The following MAGI2 variants were observed in gnomAD, a reference collection of about 807,000 sequenced individuals.
MAGI2 encodes the protein membrane-associated guanylate kinase, WW and PDZ domain-containing protein 2.
In MAGI2, 35 loss-of-function variants were observed where a neutral mutation model predicts 133.3. That is an observed-to-expected ratio of 0.26 (90% CI 0.20 to 0.35). The LOEUF (loss-of-function observed/expected upper bound fraction) is 0.35, where lower values mean the gene tolerates loss of function less well. MAGI2 is among the 10% of genes least tolerant of loss of function. The pLI, the probability that MAGI2 is intolerant of heterozygous loss-of-function variation, is 1.00. For missense variants in MAGI2, 1,636 were observed against 1,863.4 expected (o/e 0.88, Z 2.25); for synonymous variants, 729 against 710.6 (o/e 1.03, Z -0.41).
At chr7:78,569,337 AAATG>A (rs1188147415) in intron 3 of MAGI2, among the ~76,000 whole-genome samples, 4 of 152,240 alleles carry the variant, frequency 2.6e-5, no homozygotes, top group Non-Finnish European at 4.4e-5. Flanking sequence ...GTTAAGGAAT[AAATG>A]AATGAATAAT....
chr7:79,136,003 G>GAAAGAAAGAGAAAGAAAGAAAGAA (rs749343638), intron 1 of MAGI2, among the ~76,000 whole-genome samples: 1 of 40,922 alleles, frequency 2.4e-5, no homozygotes, highest in Admixed American at 2.9e-4. Context: ...AAGAAAGAAA[G>GAAAGAAAGAGAAAGAAAGAAAGAA]AGAAAGAAAG....
chr7:78,492,755 A>G (rs1235730547), intron 5 of MAGI2, among the ~76,000 whole-genome samples: 1 of 152,190 alleles, frequency 6.6e-6, no homozygotes, highest in Non-Finnish European at 1.5e-5. Flanking sequence ...TGTGTCACAT[A>G]AATACCAGGA....
chr7:78,984,408 T>C (rs1805058694), intron 2 of MAGI2, among the ~76,000 whole-genome samples: 2 of 151,950 alleles, frequency 1.3e-5, no homozygotes, highest in Non-Finnish European at 2.9e-5. Flanking sequence ...TATGTGTCCC[T>C]ACATTGCCTC....
At chr7:79,397,437 A>T (rs1845142502) in intron 1 of MAGI2, among the ~76,000 whole-genome samples, 1 of 151,800 alleles carries the variant, frequency 6.6e-6, no homozygotes, top group Non-Finnish European at 1.5e-5. Flanking sequence ...TTTTACTGTA[A>T]TAGTTTAAAG....
chr7:78,427,643 T>C (rs1017135082), intron 6 of MAGI2, among the ~76,000 whole-genome samples: 1 of 137,608 alleles, frequency 7.3e-6, no homozygotes, highest in African/African-American at 2.8e-5. Flanking sequence ...TTTCAGTAAC[T>C]GAGAGAACAA....
intron 1 of MAGI2, among the ~76,000 whole-genome samples, chr7:79,371,746 A>T (rs969059433): frequency 6.6e-6 from 1 of 152,132 alleles, no homozygotes; most frequent in African/African-American, 2.4e-5. Context: ...CATTGCCTGT[A>T]TTCGTTTTTA....
intron 2 of MAGI2, among the ~76,000 whole-genome samples, chr7:78,708,513 T>C (rs1006776783): frequency 6.6e-6 from 1 of 152,150 alleles, no homozygotes; most frequent in African/African-American, 2.4e-5. Context: ...CACACAGTGT[T>C]TATTGTATCC....
intron 1 of MAGI2, among the ~76,000 whole-genome samples, chr7:79,093,340 C>T (rs1301548942): frequency 6.6e-6 from 1 of 152,056 alleles, no homozygotes; most frequent in Admixed American, 6.6e-5. Flanking sequence ...AATTCTTTAG[C>T]ATATATACAG....
rs945150789 is a variant in MAGI2, at chr7:79,385,803, G to C, written c.301+67217C>G. ...GGACTAAAGTTAATACAATCCTATT[G>C]TATTAGGGATCTTTGTTAAATAAGT... On this transcript the variant is annotated intron_variant, in intron 1 of 21. Transcript: ENST00000354212. 4.6e-5 allele frequency among the ~76,000 whole-genome samples: 7 copies of C among 151,990 alleles called. No homozygotes were observed. In the South Asian group the frequency reaches 8.3e-4, roughly 18 times the overall value.
At chr7:78,415,580 C>T (rs1798225503) in intron 6 of MAGI2, among the ~76,000 whole-genome samples, 1 of 152,022 alleles carries the variant, frequency 6.6e-6, no homozygotes, top group South Asian at 2.1e-4. Flanking sequence ...ATTTTCTCTG[C>T]TCCCATTTTC....
chr7:78,828,357 A>C (rs1305522293), intron 2 of MAGI2, among the ~76,000 whole-genome samples: 1 of 152,170 alleles, frequency 6.6e-6, no homozygotes, highest in Non-Finnish European at 1.5e-5. Flanking sequence ...TGTCTTTTGG[A>C]TCTGATGTGA....
chr7:78,684,482 C>T (rs901460630), intron 2 of MAGI2, among the ~76,000 whole-genome samples: 1 of 152,064 alleles, frequency 6.6e-6, no homozygotes, highest in African/African-American at 2.4e-5. Context: ...CTGCAGAACC[C>T]AAATAAGGAC....
chr7:79,235,748 C>G (rs7800603), intron 1 of MAGI2, among the ~76,000 whole-genome samples: 1 of 152,196 alleles, frequency 6.6e-6, no homozygotes, highest in African/African-American at 2.4e-5. Flanking sequence ...AGAAATCACC[C>G]GTCTTCTGCG....
intron 21 of MAGI2, among the ~76,000 whole-genome samples, chr7:78,059,941 G>A (rs1813048734): frequency 6.6e-6 from 1 of 152,044 alleles, no homozygotes; most frequent in South Asian, 2.1e-4. Context: ...CATTCAGACA[G>A]ACCTAACATT....
At chr7:79,386,384 T>C (rs1338183890) in intron 1 of MAGI2, among the ~76,000 whole-genome samples, 1 of 152,090 alleles carries the variant, frequency 6.6e-6, no homozygotes, top group Non-Finnish European at 1.5e-5. Context: ...AACAGTTATA[T>C]ATGAAATTTC....
At chr7:78,852,088 T>G (rs1401777151) in intron 2 of MAGI2, among the ~76,000 whole-genome samples, 1 of 152,150 alleles carries the variant, frequency 6.6e-6, no homozygotes, top group Non-Finnish European at 1.5e-5. Context: ...ATAATTAAGA[T>G]AAACTGTTTA....
intron 9 of MAGI2, among the ~76,000 whole-genome samples, chr7:78,271,033 T>C (rs578180030): frequency 1.3e-5 from 2 of 152,212 alleles, no homozygotes; most frequent in Admixed American, 6.5e-5. Context: ...GGCATCCCTG[T>C]CTTGTGCCAG....
chr7:78,910,171 G>T (rs1798301801), intron 2 of MAGI2, among the ~76,000 whole-genome samples: 1 of 151,814 alleles, frequency 6.6e-6, no homozygotes, highest in African/African-American at 2.4e-5. Flanking sequence ...CTAGATTATG[G>T]GTCAATAGGT....
intron 1 of MAGI2, among the ~76,000 whole-genome samples, chr7:79,187,058 A>C (rs2129550837): frequency 6.6e-6 from 1 of 151,606 alleles, no homozygotes; most frequent in Admixed American, 6.6e-5. Context: ...CAACTTAAGA[A>C]TTTGGGGGAA....
Sources: gnomAD v4.1 joint callset for allele counts (sites outside exome capture counted in the v4.1 genomes callset) on GRCh38, gnomAD v4.1.1 for gene constraint, MANE v1.5 for transcripts, NCBI Gene and HGNC (gene_info 2026-07-23, HGNC 2026-07-21) for gene names.